Variants in TMEM132B observed in about 807,000 individuals in gnomAD.
TMEM132B encodes transmembrane protein 132B.
TMEM132B carries 18 observed loss-of-function variants against 90.8 expected under a neutral mutation model. The ratio of observed to expected loss-of-function variants is 0.20; its 90% CI spans 0.14 to 0.29. TMEM132B has a LOEUF of 0.29. TMEM132B is among the 10% of genes least tolerant of loss of function. TMEM132B has a pLI of 1.00. For missense variants in TMEM132B, 1,096 were observed against 1,326.8 expected (o/e 0.83, Z 2.70); for synonymous variants, 504 against 523.3 (o/e 0.96, Z 0.50).
At chr12:125,597,246 T>A (rs1161259406) in intron 5 of TMEM132B, among the ~76,000 whole-genome samples, 1 of 152,240 alleles carries the variant, frequency 6.6e-6, no homozygotes, top group Non-Finnish European at 1.5e-5. Flanking sequence ...GTTTTCATGT[T>A]AAATATATTG....
At chr12:125,635,183 T>C (rs962521596) in intron 5 of TMEM132B, among the ~76,000 whole-genome samples, 3 of 152,226 alleles carry the variant, frequency 2.0e-5, no homozygotes, top group African/African-American at 7.2e-5. Flanking sequence ...CTGGGGTACA[T>C]GTGCAGAATG....
rs78080080 is a variant in TMEM132B, at chr12:125,631,909, A to G, written c.1438-12167A>G. Reference sequence around the variant, plus strand: ...GAAATGTGTTTCTTGTAGGCAACACATCAATGGGTCTTTTTAAAAAATCCA... The same window carrying G: ...GAAATGTGTTTCTTGTAGGCAACACGTCAATGGGTCTTTTTAAAAAATCCA... On this transcript the variant is annotated intron_variant, in intron 5 of 8. Transcript: ENST00000682704. Among the ~76,000 whole-genome samples the G allele has an allele frequency of 6.3e-3, 963 of 152,166 alleles. 9 individuals are homozygous for G. Among genetic ancestry groups the G allele is most frequent in the African/African-American group, 0.021 (880 of 41,544 alleles).
intron 1 of TMEM132B, among the ~76,000 whole-genome samples, chr12:125,252,346 G>A: frequency 6.6e-6 from 1 of 152,176 alleles, no homozygotes; most frequent in Non-Finnish European, 1.5e-5. Flanking sequence ...TTCCCACGGT[G>A]GCATGTGGTG....
chr12:125,640,709 G>A (rs1009786192), intron 5 of TMEM132B, among the ~76,000 whole-genome samples: 7 of 152,014 alleles, frequency 4.6e-5, no homozygotes, highest in African/African-American at 1.7e-4. Context: ...TGTGCAAGAG[G>A]CGGTCCCTTT....
intron 5 of TMEM132B, among the ~76,000 whole-genome samples, chr12:125,590,769 A>T (rs965333089): frequency 2.0e-5 from 3 of 152,240 alleles, no homozygotes; most frequent in African/African-American, 7.2e-5. Context: ...TACCATTATA[A>T]TAAGAGCATT....
At chr12:125,589,105 T>G (rs1885245877) in intron 5 of TMEM132B, among the ~76,000 whole-genome samples, 1 of 152,138 alleles carries the variant, frequency 6.6e-6, no homozygotes, top group Non-Finnish European at 1.5e-5. Context: ...TATTGAAATA[T>G]CCAAAATATT....
chr12:125,294,151 C>G (rs1296484099), intron 1 of TMEM132B, among the ~76,000 whole-genome samples: 1 of 152,206 alleles, frequency 6.6e-6, no homozygotes, highest in Non-Finnish European at 1.5e-5. Context: ...CATAGACAGC[C>G]CATGCCCTCT....
In TMEM132B at chr12:125,362,845, C is replaced by G. The variant is rs139060107; in HGVS notation, c.959+12502C>G. Among the ~76,000 whole-genome samples the G allele has an allele frequency of 4.5e-3, 690 of 152,356 alleles. 5 individuals are homozygous for G. The highest frequency in any genetic ancestry group is 0.015 in the African/African-American group (642 of 41,578). ...AGGCCAGCGTCCATGCTGACAACCCCCTTCCAGTCCTGATTGCTTCGAAGG... is the reference window on the plus strand; with the variant it reads ...AGGCCAGCGTCCATGCTGACAACCCGCTTCCAGTCCTGATTGCTTCGAAGG... On this transcript the variant is annotated intron_variant, in intron 2 of 8. Transcript: ENST00000682704.
intron 5 of TMEM132B, among the ~76,000 whole-genome samples, chr12:125,632,118 C>T (rs1338823251): frequency 6.6e-6 from 1 of 151,818 alleles, no homozygotes; most frequent in African/African-American, 2.4e-5. Flanking sequence ...ATACAATTTA[C>T]TTTCTTGCTT....
intron 3 of TMEM132B, among the ~76,000 whole-genome samples, chr12:125,480,298 C>A (rs1882003783): frequency 6.6e-6 from 1 of 152,020 alleles, no homozygotes; most frequent in East Asian, 1.9e-4. Flanking sequence ...AAAAACCCTT[C>A]AAAAAATCAA....
At chr12:125,629,939 A>C (rs2136992166) in intron 5 of TMEM132B, among the ~76,000 whole-genome samples, 1 of 152,274 alleles carries the variant, frequency 6.6e-6, no homozygotes, top group East Asian at 1.9e-4. Context: ...GATGTATCAC[A>C]TTAATTCATT....
intron 6 of TMEM132B, among the ~76,000 whole-genome samples, chr12:125,647,897 C>CT (rs757137864): frequency 0.16 from 21,789 of 135,202 alleles, 1,729 homozygotes; most frequent in South Asian, 0.21. Context: ...CAATTGTATC[C>CT]TTTTTTTTTT....
chr12:125,392,042 C>T (rs1879039919), intron 2 of TMEM132B, among the ~76,000 whole-genome samples: 2 of 152,358 alleles, frequency 1.3e-5, no homozygotes, highest in South Asian at 2.1e-4. Flanking sequence ...GCGGGGATTA[C>T]AGGCATCAGC....
chr12:125,528,527 C>A (rs1341294912), intron 4 of TMEM132B, among the ~76,000 whole-genome samples: 2 of 152,182 alleles, frequency 1.3e-5, no homozygotes, highest in Non-Finnish European at 2.9e-5. Flanking sequence ...TTGTATGCCT[C>A]TTCTGTGCCG....
chr12:125,508,780 CT>C (rs756913141), intron 3 of TMEM132B, among the ~76,000 whole-genome samples: 2,646 of 135,838 alleles, frequency 0.019, 27 homozygotes, highest in Middle Eastern at 0.027. Flanking sequence ...TTCTTTCTTT[CT>C]TTTTTTTTTT....
At chr12:125,396,109 A>G (rs182604053) in intron 2 of TMEM132B, among the ~76,000 whole-genome samples, 1 of 152,326 alleles carries the variant, frequency 6.6e-6, no homozygotes, top group African/African-American at 2.4e-5. Context: ...CCCAGCATGA[A>G]CTACCTGGAC....
chr12:125,644,250 G>A lies in TMEM132B; in HGVS notation c.1612G>A (p.Gly538Ser). ...ISDTELSQIK[G>S]WRIPVAANRR... is the part of the protein sequence containing the mutation. ...AGACACCGAGCTGAGCCAGATCAAG[G>A]GCTGGAGGATCCCGGTTGCTGCCAA... Residue 538 changes from glycine (G) to serine (S), a missense_variant, in exon 6 of 9, where the codon GGC (glycine) becomes AGC (serine). By Grantham distance (56) the Gly-to-Ser change is moderately conservative (BLOSUM62 0). Coordinates refer to ENST00000682704, the MANE Select transcript of TMEM132B (RefSeq NM_001366854.1). 2 of 1,614,196 alleles carry A rather than the reference G, an allele frequency of 1.2e-6. No homozygotes were observed. The highest frequency in any genetic ancestry group is 1.7e-6 in the Non-Finnish European group (2 of 1,180,038).
intron 4 of TMEM132B, among the ~76,000 whole-genome samples, chr12:125,531,520 T>G (rs941095776): frequency 2.0e-5 from 3 of 152,174 alleles, no homozygotes; most frequent in Non-Finnish European, 4.4e-5. Context: ...CCTGATGTCA[T>G]AGCCTACCTG....
chr12:125,438,800 A>G (rs949450054), intron 3 of TMEM132B, among the ~76,000 whole-genome samples: 1 of 152,158 alleles, frequency 6.6e-6, no homozygotes, highest in African/African-American at 2.4e-5. Context: ...TTCAAACTTT[A>G]TATGAATGGC....
Sources: allele counts gnomAD v4.1 joint callset (sites outside exome capture counted in the v4.1 genomes callset), GRCh38; gene constraint gnomAD v4.1.1; transcripts MANE v1.5; gene names NCBI Gene and HGNC (gene_info 2026-07-23, HGNC 2026-07-21).